RNF186: variants seen among roughly 807,000 people sequenced by gnomAD.
RNF186 encodes the protein ring finger protein 186.
For missense variants in RNF186, 298 were observed against 298.5 expected (o/e 1.00, Z 0.01); for synonymous variants, 152 against 133.5 (o/e 1.14, Z -0.96).
Position 19,815,085 on chromosome 1 carries a change from G to A in RNF186, c.17C>T (p.Thr6Ile), listed in dbSNP as rs750928036. 6.2e-7 allele frequency: 1 copy of A among 1,613,350 alleles called. No homozygotes were observed. Among genetic ancestry groups the A allele is most frequent in the South Asian group, 1.1e-5 (1 of 91,062 alleles). Residue 6 changes from threonine (T) to isoleucine (I), a missense_variant, in exon 1 of 1, where the codon ACC becomes ATC. Coordinates refer to ENST00000375121, the MANE Select transcript of RNF186 (RefSeq NM_019062.2). MACTKTLQQSQPISAG... is the reference protein window; with the variant it reads MACTKILQQSQPISAG... ...GGAGATGGGCTGGGACTGTTGCAGG[G>A]TCTTGGTGCAGGCCATTCTGGGCAC...
chr1:19,815,233 A>G lies in RNF186; in HGVS notation c.-132T>C, dbSNP rs1330877343. 4 of 729,920 alleles carry G rather than the reference A, an allele frequency of 5.5e-6. No individual in the cohort carries two copies. The highest frequency in any genetic ancestry group is 9.1e-6 in the Non-Finnish European group (4 of 438,240). 45.2% of individuals were successfully genotyped at this position (729,920 alleles called of 1,614,324 possible). A position where few individuals can be genotyped will look rare whatever the true frequency, so the allele number is the denominator to read the frequency against. ...CTCTGGCCAGGTGCCTGTTGACAAC[A>G]GCTGTCTGACACTCCTCTCTCCCAG... is the stretch of plus-strand genomic sequence containing the variant. On this transcript the variant is annotated 5_prime_UTR_variant, in exon 1 of 1. Coordinates refer to ENST00000375121, the MANE Select transcript of RNF186 (RefSeq NM_019062.2).
Position 19,814,949 on chromosome 1 carries a change from C to T in RNF186, c.153G>A (p.Arg51=), listed in dbSNP as rs774433130. The change falls in exon 1 of 1, where the codon CGG becomes CGA. Residue 51 remains arginine (R), a synonymous_variant. Coordinates refer to ENST00000375121, the MANE Select transcript of RNF186 (RefSeq NM_019062.2). This position sits in a 1 kb window ranked among gnomAD's most constrained non-coding sequence, Gnocchi z 4.7. ...LVCREPYSCP[R]LPKLLACQHA... ...GCTGGCAGGCCAGCAGCTTGGGCAA[C>T]CGGGGACAGCTGTAGGGCTCCCGGC... 6.2e-7 allele frequency: 1 copy of T among 1,613,952 alleles called. No homozygotes were observed. Among genetic ancestry groups the T allele is most frequent in the Non-Finnish European group, 8.5e-7 (1 of 1,180,036 alleles).
chr1:19,814,458 C>A lies in RNF186; in HGVS notation c.644G>T (p.Cys215Phe), dbSNP rs1038574792. Reference sequence around the variant, plus strand: ...GATGTGGCTGTGTTTCTGCTCTCTGCAGAAGAGAGTCCTGGAGGAGGGCCA... The same window carrying A: ...GATGTGGCTGTGTTTCTGCTCTCTGAAGAAGAGAGTCCTGGAGGAGGGCCA... ...SCWPSSRTLF[C>F]REQKHSHISS... The change falls in exon 1 of 1, where the codon TGC (cysteine) becomes TTC (phenylalanine). Residue 215 changes from cysteine (C) to phenylalanine (F), a missense_variant. Physicochemically the swap from Cys to Phe is radical, Grantham distance 205. Transcript: ENST00000375121. The surrounding 1 kb of genome is among the most constrained non-coding windows in gnomAD (Gnocchi z 4.7). 6 of 1,614,004 alleles carry A rather than the reference C, an allele frequency of 3.7e-6. No homozygotes were observed. The highest frequency in any genetic ancestry group is 5.1e-6 in the Non-Finnish European group (6 of 1,180,020).
rs115328714 is a variant in RNF186 at position 19,815,170 on chromosome 1, G to A, written c.-69C>T. 95 of 1,417,500 alleles carry A rather than the reference G, an allele frequency of 6.7e-5. No individual in the cohort carries two copies. In the African/African-American group the frequency reaches 7.2e-4, roughly 11 times the overall value. The allele number at this position is 1,417,500 out of a possible 1,614,324, so 87.8% of individuals were successfully genotyped here. ...GCATTGGCAGAGAGTGTCAGCTGGC[G>A]CCGCTGGGACTTGGATGGAATCTGC... On this transcript the variant is annotated 5_prime_UTR_variant, in exon 1 of 1. Transcript: ENST00000375121.
Position 19,814,272 on chromosome 1 carries a change from C to T in RNF186, c.*146G>A, listed in dbSNP as rs2044695836. 1 of 726,610 alleles carries T rather than the reference C, an allele frequency of 1.4e-6. No individual in the cohort carries two copies. Among genetic ancestry groups the T allele is most frequent in the African/African-American group, 1.8e-5 (1 of 56,042 alleles). The allele number at this position is 726,610 out of a possible 1,614,324, so 45.0% of individuals were successfully genotyped here. Reference sequence around the variant, plus strand: ...CGTGTAATTCTTGACCCAGGCTGGCCATCTCGGTTGTGGCTTGCAAGTCCC... The same window carrying T: ...CGTGTAATTCTTGACCCAGGCTGGCTATCTCGGTTGTGGCTTGCAAGTCCC... On this transcript the variant is annotated 3_prime_UTR_variant, in exon 1 of 1. Transcript: ENST00000375121. This position sits in a 1 kb window ranked among gnomAD's most constrained non-coding sequence, Gnocchi z 4.7.
chr1:19,814,298 G>T lies in RNF186; in HGVS notation c.*120C>A. 4.3e-6 allele frequency: 4 copies of T among 935,852 alleles called. No individual in the cohort carries two copies. Among genetic ancestry groups the T allele is most frequent in the South Asian group, 3.6e-5 (2 of 55,694 alleles). 58.0% of individuals were successfully genotyped at this position (935,852 alleles called of 1,614,324 possible). A position where few individuals can be genotyped will look rare whatever the true frequency, so the allele number is the denominator to read the frequency against. ...ATCTCGGTTGTGGCTTGCAAGTCCCGCTGGCATGTGATTTCCCAAAGGAGC... is the reference window on the plus strand; with the variant it reads ...ATCTCGGTTGTGGCTTGCAAGTCCCTCTGGCATGTGATTTCCCAAAGGAGC... On this transcript the variant is annotated 3_prime_UTR_variant, in exon 1 of 1. Transcript: ENST00000375121. The surrounding 1 kb of genome is among the most constrained non-coding windows in gnomAD (Gnocchi z 4.7).
chr1:19,815,103 C>G lies in RNF186; in HGVS notation c.-2G>C. On this transcript the variant is annotated 5_prime_UTR_variant, in exon 1 of 1. Transcript: ENST00000375121. ...TTGCAGGGTCTTGGTGCAGGCCATT[C>G]TGGGCACAGGGACCGGTGGGACACT... The G allele has an allele frequency of 6.2e-7, 1 of 1,610,486 alleles. No homozygotes were observed. Among genetic ancestry groups the G allele is most frequent in the Non-Finnish European group, 8.5e-7 (1 of 1,177,616 alleles).
rs41264111 is a variant in RNF186 at position 19,814,655 on chromosome 1, G to A, written c.447C>T (p.His149=). ...EDGQDEVSAN[H]VAARRLAAHL... ...GCGCGGCCAGGCGCCGGGCTGCCAC[G>A]TGGTTTGCACTTACTTCATCCTGTC... Residue 149 remains histidine (H), a synonymous_variant, in exon 1 of 1, where the codon CAC becomes CAT. Coordinates refer to ENST00000375121, the MANE Select transcript of RNF186 (RefSeq NM_019062.2). This position sits in a 1 kb window ranked among gnomAD's most constrained non-coding sequence, Gnocchi z 4.7. 3.5e-3 allele frequency: 5,648 copies of A among 1,614,174 alleles called. 16 individuals are homozygous for A. Among genetic ancestry groups the A allele is most frequent in the Non-Finnish European group, 4.5e-3 (5,368 of 1,180,018 alleles).
rs1228472635 is a variant in RNF186, at chr1:19,815,028, G to T, written c.74C>A (p.Ala25Asp). 6.2e-7 allele frequency: 1 copy of T among 1,614,012 alleles called. No individual in the cohort carries two copies. The highest frequency in any genetic ancestry group is 8.5e-7 in the Non-Finnish European group (1 of 1,180,042). ...AGATTTTTAV[A>D]PAGGHSGSTE... ...GGAGCCAGAATGACCCCCAGCAGGG[G>T]CCACAGCGGTGGTGGTTGTGGTGGC... The change falls in exon 1 of 1, where the codon GCC (alanine) becomes GAC (aspartate). Residue 25 changes from alanine to aspartate, a missense_variant. Transcript: ENST00000375121.
rs1337618742 is a variant in RNF186, at chr1:19,814,854, G to A, written c.248C>T (p.Pro83Leu). ...VQDNTWSITC[P>L]LCRKVTAVPG... ...GACGGCGGTGACCTTGCGGCACAGC[G>A]GGCAGGTGATGGACCAGGTGTTGTC... Residue 83 changes from proline (P) to leucine (L), a missense_variant, in exon 1 of 1, where the codon CCG becomes CTG. Coordinates refer to ENST00000375121, the MANE Select transcript of RNF186 (RefSeq NM_019062.2). This position sits in a 1 kb window ranked among gnomAD's most constrained non-coding sequence, Gnocchi z 4.7. The A allele has an allele frequency of 2.2e-5, 36 of 1,613,754 alleles. No homozygotes were observed. Among genetic ancestry groups the A allele is most frequent in the African/African-American group, 2.7e-5 (2 of 74,932 alleles).
At position 19,815,197 on chromosome 1, in the gene RNF186, C is replaced by T. The variant is rs964174053; in HGVS notation, c.-96G>A. The T allele has an allele frequency of 9.2e-7, 1 of 1,089,764 alleles. No homozygotes were observed. Among genetic ancestry groups the T allele is most frequent in the African/African-American group, 1.6e-5 (1 of 63,974 alleles). The allele number at this position is 1,089,764 out of a possible 1,614,324, so 67.5% of individuals were successfully genotyped here. On this transcript the variant is annotated 5_prime_UTR_variant, in exon 1 of 1. Transcript: ENST00000375121. ...CGCTGGGACTTGGATGGAATCTGCC[C>T]CTCCTTTTCACTCTGGCCAGGTGCC...
chr1:19,814,804 G>A lies in RNF186; in HGVS notation c.298C>T (p.Arg100Cys), dbSNP rs116045850. 7.0e-5 allele frequency: 113 copies of A among 1,613,934 alleles called. No individual in the cohort carries two copies. Among genetic ancestry groups the A allele is most frequent in the South Asian group, 4.2e-4 (38 of 91,074 alleles). ...AVPGGLICSL[R>C]DHEAVVGQLA... ...TGCCCCACCACCGCCTCATGGTCGC[G>A]CAGGCTGCAGATGAGGCCCCCGGGG... Residue 100 changes from arginine to cysteine, a missense_variant, in exon 1 of 1, where the codon CGC becomes TGC. Transcript: ENST00000375121. The surrounding 1 kb of genome is among the most constrained non-coding windows in gnomAD (Gnocchi z 4.7).
chr1:19,814,853 C>T lies in RNF186; in HGVS notation c.249G>A (p.Pro83=), dbSNP rs763077781. 26 of 1,613,880 alleles carry T rather than the reference C, an allele frequency of 1.6e-5. No homozygotes were observed. In the Admixed American group the frequency reaches 2.3e-4, roughly 14 times the overall value. The change falls in exon 1 of 1, where the codon CCG becomes CCA. Residue 83 remains proline, a synonymous_variant. Transcript: ENST00000375121. The surrounding 1 kb of genome is among the most constrained non-coding windows in gnomAD (Gnocchi z 4.7). ...GGACGGCGGTGACCTTGCGGCACAG[C>T]GGGCAGGTGATGGACCAGGTGTTGT... is the stretch of plus-strand genomic sequence containing the variant. ...VQDNTWSITC[P]LCRKVTAVPG...
rs2044698914 is a variant in RNF186, at chr1:19,814,509, C to T, written c.593G>A (p.Cys198Tyr). 2 of 1,614,090 alleles carry T rather than the reference C, an allele frequency of 1.2e-6. No individual in the cohort carries two copies. The highest frequency in any genetic ancestry group is 1.7e-6 in the Non-Finnish European group (2 of 1,180,008). The change falls in exon 1 of 1, where the codon TGT (cysteine) becomes TAT (tyrosine). Residue 198 changes from cysteine (C) to tyrosine (Y), a missense_variant. Transcript: ENST00000375121. This position sits in a 1 kb window ranked among gnomAD's most constrained non-coding sequence, Gnocchi z 4.7. ...GCAGCTGCCCCGGGTGCTGGGGAGACAGCAGAAGAGGGTGGACATCAGCAG... is the reference window on the plus strand; with the variant it reads ...GCAGCTGCCCCGGGTGCTGGGGAGATAGCAGAAGAGGGTGGACATCAGCAG... The part of the protein sequence containing the change: ...LALLMSTLFC[C>Y]LPSTRGSCWP...
At position 19,814,983 on chromosome 1, in the gene RNF186, C is replaced by T; in HGVS notation, c.119G>A (p.Cys40Tyr). 1 of 1,614,070 alleles carries T rather than the reference C, an allele frequency of 6.2e-7. No homozygotes were observed. The highest frequency in any genetic ancestry group is 1.1e-5 in the South Asian group (1 of 91,086). Reference sequence around the variant, plus strand: ...GCTGTAGGGCTCCCGGCACACCAGACACTCCAGGTCACATTCTGTGGAGCC... The same window carrying T: ...GCTGTAGGGCTCCCGGCACACCAGATACTCCAGGTCACATTCTGTGGAGCC... ...HSGSTECDLE[C>Y]LVCREPYSCP... Residue 40 changes from cysteine to tyrosine, a missense_variant, in exon 1 of 1, where the codon TGT becomes TAT. Coordinates refer to ENST00000375121, the MANE Select transcript of RNF186 (RefSeq NM_019062.2). This position sits in a 1 kb window ranked among gnomAD's most constrained non-coding sequence, Gnocchi z 4.7.
In RNF186 at chr1:19,814,561, C is replaced by G; in HGVS notation, c.541G>C (p.Val181Leu). 6.2e-7 allele frequency: 1 copy of G among 1,614,114 alleles called. No individual in the cohort carries two copies. The change falls in exon 1 of 1, where the codon GTG (valine) becomes CTG (leucine). Residue 181 changes from valine (V) to leucine (L), a missense_variant. Val to Leu is a conservative substitution (Grantham distance 32). Coordinates refer to ENST00000375121, the MANE Select transcript of RNF186 (RefSeq NM_019062.2). This position sits in a 1 kb window ranked among gnomAD's most constrained non-coding sequence, Gnocchi z 4.7. ...PFIYPGVLRWVLTFIIALALL... is the reference protein window; with the variant it reads ...PFIYPGVLRWLLTFIIALALL... ...GCCAGGGCGATGATGAAGGTGAGCA[C>G]CCATCGTAAGACACCCGGGTAGATG...
Position 19,814,281 on chromosome 1 carries a change from T to C in RNF186, c.*137A>G, listed in dbSNP as rs2044695921. 7 of 792,414 alleles carry C rather than the reference T, an allele frequency of 8.8e-6. No homozygotes were observed. The highest frequency in any genetic ancestry group is 1.7e-5 in the African/African-American group (1 of 57,170). The allele number at this position is 792,414 out of a possible 1,614,324, so 49.1% of individuals were successfully genotyped here. The stretch of plus-strand genomic sequence containing the variant: ...CTTGACCCAGGCTGGCCATCTCGGT[T>C]GTGGCTTGCAAGTCCCGCTGGCATG... On this transcript the variant is annotated 3_prime_UTR_variant, in exon 1 of 1. Transcript: ENST00000375121. The surrounding 1 kb of genome is among the most constrained non-coding windows in gnomAD (Gnocchi z 4.7).
rs199540262 is a variant in RNF186 at position 19,814,495 on chromosome 1, G to T, written c.607C>A (p.Arg203=). The stretch of plus-strand genomic sequence containing the variant: ...CTGGAGGAGGGCCAGCAGCTGCCCC[G>T]GGTGCTGGGGAGACAGCAGAAGAGG... ...STLFCCLPST[R]GSCWPSSRTL... The change falls in exon 1 of 1, where the codon CGG becomes AGG. Residue 203 remains arginine (R), a synonymous_variant. Transcript: ENST00000375121. The surrounding 1 kb of genome is among the most constrained non-coding windows in gnomAD (Gnocchi z 4.7). 9 of 1,614,000 alleles carry T rather than the reference G, an allele frequency of 5.6e-6. No individual in the cohort carries two copies. Among genetic ancestry groups the T allele is most frequent in the Admixed American group, 3.3e-5 (2 of 60,022 alleles).
At position 19,814,707 on chromosome 1, in the gene RNF186, C is replaced by A; in HGVS notation, c.395G>T (p.Gly132Val). The A allele has an allele frequency of 6.2e-7, 1 of 1,614,178 alleles. No homozygotes were observed. Among genetic ancestry groups the A allele is most frequent in the African/African-American group, 1.3e-5 (1 of 75,052 alleles). ...GLVDPADLAA[G>V]HPSLVGEDGQ... ...ATCCTCTCCCACCAAGCTGGGGTGTCCTGCTGCCAAGTCAGCAGGATCCAC... is the reference window on the plus strand; with the variant it reads ...ATCCTCTCCCACCAAGCTGGGGTGTACTGCTGCCAAGTCAGCAGGATCCAC... The change falls in exon 1 of 1, where the codon GGA becomes GTA. Residue 132 changes from glycine to valine, a missense_variant. Physicochemically the swap from Gly to Val is moderately radical, Grantham distance 109. Transcript: ENST00000375121. The surrounding 1 kb of genome is among the most constrained non-coding windows in gnomAD (Gnocchi z 4.7).
Sources: allele counts gnomAD v4.1 joint callset, GRCh38; gene constraint gnomAD v4.1.1; non-coding constraint Gnocchi (gnomAD v3.1); transcripts MANE v1.5; gene names NCBI Gene and HGNC (gene_info 2026-07-23, HGNC 2026-07-21).